KANSL3: variants seen among roughly 807,000 people sequenced by gnomAD.
KANSL3 encodes the protein NSL complex protein NSL3.
In KANSL3, 16 loss-of-function variants were observed where a neutral mutation model predicts 89.2. The ratio of observed to expected loss-of-function variants is 0.18; its 90% CI spans 0.12 to 0.27. The LOEUF (loss-of-function observed/expected upper bound fraction) is 0.27. Ranked by LOEUF, KANSL3 falls within the 10% of genes least tolerant of loss-of-function variation. KANSL3 has a pLI of 1.00. For missense variants in KANSL3, 879 were observed against 1,110.6 expected, an observed-to-expected ratio of 0.79 and a Z score of 2.96; for synonymous variants, 385 against 419.7, an observed-to-expected ratio of 0.92 and a Z score of 1.01.
At chr2:96,602,067 G>A (rs763282490) in intron 19 of KANSL3, 49 bp downstream of exon 19, 103 of 1,508,822 alleles carry the variant, frequency 6.8e-5, no homozygotes, top group Non-Finnish European at 9.0e-5. Flanking sequence ...AGGTCCTGGG[G>A]GAAAGATCCC....
chr2:96,596,053 T>C, intron 20 of KANSL3, among the ~76,000 whole-genome samples: 1 of 151,846 alleles, frequency 6.6e-6, no homozygotes, highest in East Asian at 1.9e-4. Context: ...AATAGGTGAG[T>C]TTTTAAGGGC....
intron 11 of KANSL3, 67 bp downstream of exon 11, chr2:96,610,659 C>T: frequency 6.4e-7 from 1 of 1,568,942 alleles, no homozygotes; most frequent in South Asian, 1.1e-5. Context: ...AGTTACATTG[C>T]CAGCTTCCAG....
At chr2:96,611,866 AG>A (rs1207540193) in intron 9 of KANSL3, among the ~76,000 whole-genome samples, 1 of 145,600 alleles carries the variant, frequency 6.9e-6, no homozygotes, top group East Asian at 2.0e-4. Context: ...AGAGAAAAAA[AG>A]GGATCTTTTT....
intron 3 of KANSL3, among the ~76,000 whole-genome samples, chr2:96,630,811 C>T (rs1187742450): frequency 1.3e-5 from 2 of 152,162 alleles, no homozygotes; most frequent in Non-Finnish European, 2.9e-5. Flanking sequence ...CCAGTATACT[C>T]GTGAAAATAG....
chr2:96,587,713 G>A, the KANSL3 span, among the ~76,000 whole-genome samples: 3 of 152,258 alleles, frequency 2.0e-5, no homozygotes, highest in Admixed American at 6.5e-5. Context: ...ACAGATATTA[G>A]AACTGTCTAA....
Position 96,637,015 on chromosome 2 carries a change from A to G in KANSL3, c.121T>C (p.Tyr41His). The G allele has an allele frequency of 6.4e-7, 1 of 1,551,676 alleles. No homozygotes were observed. Among genetic ancestry groups the G allele is most frequent in the Non-Finnish European group, 8.7e-7 (1 of 1,146,998 alleles). Reference sequence around the variant, plus strand: ...GGGTGGGCACTCCAAGGCTTGGCATAGCTATGATCCAGAAAAACCAGGTCC... The same window carrying G: ...GGGTGGGCACTCCAAGGCTTGGCATGGCTATGATCCAGAAAAACCAGGTCC... ...ELDLVFLDHS[Y>H]AKPWSAHPDA... Residue 41 changes from tyrosine (Y) to histidine (H), a missense_variant, in exon 2 of 21, where the codon TAT becomes CAT. Coordinates refer to ENST00000431828, the MANE Select transcript of KANSL3 (RefSeq NM_001115016.3).
chr2:96,622,558 T>C (rs1295587261), intron 3 of KANSL3, among the ~76,000 whole-genome samples: 2 of 152,158 alleles, frequency 1.3e-5, no homozygotes, highest in East Asian at 3.8e-4. Flanking sequence ...AAATATAAAT[T>C]AGTACAACCT....
At position 96,601,673 on chromosome 2, in the gene KANSL3, G is replaced by T; in HGVS notation, c.2586C>A (p.Ser862=). The change falls in exon 20 of 21, where the codon TCC becomes TCA. Residue 862 remains serine, a synonymous_variant. Transcript: ENST00000431828. ...MGSGAAPSEE[S]SSQVLPSSSQ... is the part of the protein sequence containing the mutation. Reference sequence around the variant, plus strand: ...AGCTGGAGGGCAGCACCTGGGAAGAGGACTCCTCGGATGGGGCTGCTCCTG... The same window carrying T: ...AGCTGGAGGGCAGCACCTGGGAAGATGACTCCTCGGATGGGGCTGCTCCTG... 6.2e-7 allele frequency: 1 copy of T among 1,613,574 alleles called. No individual in the cohort carries two copies. The highest frequency in any genetic ancestry group is 8.5e-7 in the Non-Finnish European group (1 of 1,179,704).
chr2:96,619,294 CATCCTG>C lies in KANSL3; in HGVS notation c.663+59_663+64del, dbSNP rs1419373758. 3 of 1,470,282 alleles carry C rather than the reference CATCCTG, an allele frequency of 2.0e-6. No homozygotes were observed. In the Admixed American group the frequency reaches 6.2e-5, roughly 30 times the overall value. The allele number at this position is 1,470,282 out of a possible 1,614,324, so 91.1% of individuals were successfully genotyped here. On this transcript the variant is annotated intron_variant, in intron 5 of 20. Coordinates refer to ENST00000431828, the MANE Select transcript of KANSL3 (RefSeq NM_001115016.3). ...CAGATAATTACTTTGCCTAACCCCA[CATCCTG>C]AACCCACAGGGGAGGATGGCTATCC...
At chr2:96,627,257 C>A (rs926468484) in intron 3 of KANSL3, among the ~76,000 whole-genome samples, 8 of 151,900 alleles carry the variant, frequency 5.3e-5, no homozygotes, top group African/African-American at 1.7e-4. Flanking sequence ...CTCTGTTGCC[C>A]GGGCTGGAGT....
Position 96,594,440 on chromosome 2 carries a change from A to G in KANSL3, c.*1171T>C, listed in dbSNP as rs1172626854. 1 of 152,248 alleles carries G rather than the reference A, an allele frequency of 6.6e-6. No individual in the cohort carries two copies. Among genetic ancestry groups the G allele is most frequent in the Admixed American group, 6.5e-5 (1 of 15,286 alleles). The allele number at this position is 152,248 out of a possible 1,614,324, so 9.4% of individuals were successfully genotyped here. A position where few individuals can be genotyped will look rare whatever the true frequency, so the allele number is the denominator to read the frequency against. On this transcript the variant is annotated 3_prime_UTR_variant, in exon 21 of 21. Coordinates refer to ENST00000431828, the MANE Select transcript of KANSL3 (RefSeq NM_001115016.3). ...TGTGACCACTTCTCCAGGGACTGCC[A>G]CCTATAGGGCTCAGGTTGGTACCAA...
rs566737426 is a variant in KANSL3 at position 96,600,629 on chromosome 2, G to C, written c.2616+1014C>G. 1.1e-5 allele frequency: 11 copies of C among 985,416 alleles called. No individual in the cohort carries two copies. The African/African-American group carries it at 1.9e-4, about 17-fold the overall frequency. 61.0% of individuals were successfully genotyped at this position (985,416 alleles called of 1,614,324 possible). ...ACAGGAAGGCCTTGGCTGTATAGCG[G>C]ATACTGAAGGAAAGCACACTCAGTA... is the stretch of plus-strand genomic sequence containing the variant. On this transcript the variant is annotated intron_variant, in intron 20 of 20. Transcript: ENST00000431828.
At chr2:96,620,712 G>C (rs1463466998) in intron 3 of KANSL3, among the ~76,000 whole-genome samples, 1 of 152,122 alleles carries the variant, frequency 6.6e-6, no homozygotes, top group Non-Finnish European at 1.5e-5. Flanking sequence ...TTAAAAAAAA[G>C]CTGATGGTGG....
chr2:96,601,006 GC>G, intron 20 of KANSL3: 1 of 565,058 alleles, frequency 1.8e-6, no homozygotes, highest in Non-Finnish European at 2.2e-6. Context: ...CAAAGAAAGG[GC>G]CAGGAGCGGT....
intron 11 of KANSL3, 164 bp downstream of exon 11, chr2:96,610,562 G>A: frequency 3.2e-6 from 2 of 615,386 alleles, no homozygotes; most frequent in Non-Finnish European, 2.8e-6. Flanking sequence ...TGATCCGCCT[G>A]CCTCAGCCTC....
downstream of KANSL3, among the ~76,000 whole-genome samples, chr2:96,590,188 A>G (rs199678147): frequency 3.3e-5 from 3 of 90,176 alleles, no homozygotes; most frequent in East Asian, 1.8e-3. Flanking sequence ...TAAATAATAA[A>G]AGAGACAATA....
chr2:96,605,239 T>C (rs908918743), intron 15 of KANSL3, 81 bp downstream of exon 15: 33 of 1,227,818 alleles, frequency 2.7e-5, no homozygotes, highest in Non-Finnish European at 3.6e-5. Context: ...AAGGCTGACA[T>C]GCTGGTGAAT....
intron 2 of KANSL3, chr2:96,634,313 T>A (rs906142876): frequency 6.6e-6 from 1 of 152,202 alleles, no homozygotes; most frequent in African/African-American, 2.4e-5. Flanking sequence ...CTTAAAGTCA[T>A]GAGTTCAAGA....
chr2:96,619,866 G>A, intron 3 of KANSL3, 104 bp from the exon 4 acceptor site: 1 of 932,488 alleles, frequency 1.1e-6, no homozygotes, highest in Non-Finnish European at 1.6e-6. Flanking sequence ...TCTCTGCTAG[G>A]GAACAGTAAA....
Sources: gnomAD v4.1 joint callset for allele counts (sites outside exome capture counted in the v4.1 genomes callset) on GRCh38, gnomAD v4.1.1 for gene constraint, MANE v1.5 for transcripts, NCBI Gene and HGNC (gene_info 2026-07-23, HGNC 2026-07-21) for gene names.